ANKEF1: variants seen among roughly 807,000 people sequenced by gnomAD.
ANKEF1 encodes ankyrin repeat and EF-hand domain-containing protein 1.
ANKEF1 carries 43 observed loss-of-function variants against 65.1 expected under a neutral mutation model. The observed-to-expected ratio is 0.66, with a 90% CI of 0.52 to 0.85. ANKEF1 has a LOEUF of 0.85. ANKEF1 is among the 40% of genes least tolerant of loss of function. The probability of loss-of-function intolerance (pLI) is 0.00; values close to 1 mark genes in which losing one functional copy is unlikely to be tolerated. For synonymous variants in ANKEF1, 316 were observed against 341.5 expected, an observed-to-expected ratio of 0.93 and a Z score of 0.82; for missense variants, 934 against 952.9, an observed-to-expected ratio of 0.98 and a Z score of 0.26.
At chr20:10,037,477 T>G (rs929645354) in intron 2 of ANKEF1, among the ~76,000 whole-genome samples, 1 of 152,148 alleles carries the variant, frequency 6.6e-6, no homozygotes, top group African/African-American at 2.4e-5. Context: ...AAAGGGATGG[T>G]TCCCTCAAAT....
chr20:10,046,000 G>A (rs1984504225), intron 6 of ANKEF1, among the ~76,000 whole-genome samples: 1 of 152,156 alleles, frequency 6.6e-6, no homozygotes, highest in African/African-American at 2.4e-5. Flanking sequence ...GCGGGGTGTG[G>A]TGGCTCATGC....
rs756780244 is a variant in ANKEF1 at position 10,057,586 on chromosome 20, G to A, written c.*1926G>A. On this transcript the variant is annotated 3_prime_UTR_variant, in exon 11 of 11. Transcript: ENST00000378392. ...TTGTCCCCGAACTATCTGTGTGTCC[G>A]TTGAAGACATGATGAAGACATGATG... 1.3e-5 allele frequency: 2 copies of A among 152,068 alleles called. No individual in the cohort carries two copies. Among genetic ancestry groups the A allele is most frequent in the Non-Finnish European group, 2.9e-5 (2 of 68,024 alleles). The allele number at this position is 152,068 out of a possible 1,614,324, so 9.4% of individuals were successfully genotyped here. A position where few individuals can be genotyped will look rare whatever the true frequency, so the allele number is the denominator to read the frequency against.
intron 8 of ANKEF1, among the ~76,000 whole-genome samples, chr20:10,052,253 A>G (rs930524047): frequency 2.0e-5 from 3 of 152,154 alleles, no homozygotes; most frequent in Non-Finnish European, 2.9e-5. Context: ...ATAAATACTT[A>G]GTTTCTGTAG....
chr20:10,040,926 T>C (rs1984147663), intron 3 of ANKEF1, among the ~76,000 whole-genome samples: 2 of 152,210 alleles, frequency 1.3e-5, no homozygotes, highest in Non-Finnish European at 2.9e-5. Flanking sequence ...TTCTTTGACT[T>C]TCTCTTTTCA....
Position 10,055,579 on chromosome 20 carries a change from G to A in ANKEF1, c.2250G>A (p.Val750=), listed in dbSNP as rs1985104348. ...GGCGAGAGAGGTTTACACATGAGGT[G>A]GACTTCGACGATTTTATGATGCCTT... ...ELRRERFTHE[V]DFDDFMMPFQ... Residue 750 remains valine (V), a synonymous_variant, in exon 11 of 11, where the codon GTG becomes GTA. Coordinates refer to ENST00000378392, the MANE Select transcript of ANKEF1 (RefSeq NM_022096.6). The A allele has an allele frequency of 1.2e-6, 2 of 1,613,770 alleles. No individual in the cohort carries two copies. Among genetic ancestry groups the A allele is most frequent in the Non-Finnish European group, 8.5e-7 (1 of 1,179,792 alleles).
In ANKEF1 at chr20:10,043,103, G is replaced by GGATT. The variant is rs1984287083; in HGVS notation, c.347-18_347-15dup. ...TGTATAGATGTTAAATACTCTCTGG[G>GGATT]GATTTTATTTCTCTGCAGGTGTTTT... On this transcript the variant is annotated intron_variant, in intron 3 of 10. Coordinates refer to ENST00000378392, the MANE Select transcript of ANKEF1 (RefSeq NM_022096.6). The GGATT allele has an allele frequency of 6.2e-7, 1 of 1,609,522 alleles. No individual in the cohort carries two copies. Among genetic ancestry groups the GGATT allele is most frequent in the South Asian group, 1.1e-5 (1 of 90,748 alleles).
At chr20:10,043,967 T>C (rs773573096) in intron 4 of ANKEF1, among the ~76,000 whole-genome samples, 6 of 152,122 alleles carry the variant, frequency 3.9e-5, no homozygotes, top group Admixed American at 1.3e-4. Flanking sequence ...TCTGTTGTTA[T>C]ATCAATTTCG....
At position 10,037,628 on chromosome 20, in the gene ANKEF1, G is replaced by C. The variant is rs1983936041; in HGVS notation, c.-44-630G>C. On this transcript the variant is annotated intron_variant, in intron 2 of 10. Coordinates refer to ENST00000378392, the MANE Select transcript of ANKEF1 (RefSeq NM_022096.6). ...ATGAAGAAACAACTGGTCATACCTA[G>C]CATGGCCTGCTACTCAATCCAAAAG... 1.3e-5 allele frequency among the ~76,000 whole-genome samples: 2 copies of C among 152,164 alleles called. 1 individual carries two copies. The highest frequency in any genetic ancestry group is 4.1e-4 in the South Asian group (2 of 4,836).
At chr20:10,053,396 A>ATTAT in intron 9 of ANKEF1, 121 bp downstream of exon 9, 1 of 762,854 alleles carries the variant, frequency 1.3e-6, no homozygotes, top group Non-Finnish European at 2.1e-6. Flanking sequence ...TGCAGTGCAT[A>ATTAT]CTTTCAATAG....
chr20:10,042,009 A>G (rs1427190608), intron 3 of ANKEF1, among the ~76,000 whole-genome samples: 1 of 152,080 alleles, frequency 6.6e-6, no homozygotes, highest in Non-Finnish European at 1.5e-5. Context: ...TGTTGTTGTG[A>G]TAAATTTTTG....
At chr20:10,037,975 A>G (rs1469899509) in intron 2 of ANKEF1, among the ~76,000 whole-genome samples, 1 of 152,222 alleles carries the variant, frequency 6.6e-6, no homozygotes, top group Non-Finnish European at 1.5e-5. Context: ...AGTTAACCTC[A>G]GCTTCTTCAT....
chr20:10,050,843 A>G (rs1445280702), intron 7 of ANKEF1, among the ~76,000 whole-genome samples: 2 of 152,214 alleles, frequency 1.3e-5, no homozygotes, highest in African/African-American at 2.4e-5. Flanking sequence ...AATGGTGGCT[A>G]TAATAACATG....
rs762391855 is a variant in ANKEF1, at chr20:10,053,155, A to G, written c.1914A>G (p.Arg638=). The G allele has an allele frequency of 1.2e-6, 2 of 1,610,682 alleles. No individual in the cohort carries two copies. Residue 638 remains arginine, a synonymous_variant, in exon 9 of 11, where the codon AGA becomes AGG. Coordinates refer to ENST00000378392, the MANE Select transcript of ANKEF1 (RefSeq NM_022096.6). ...MDVAKAYADY[R]IIDLIKEKLD... ...TTGCAAAGGCATATGCTGATTATAG[A>G]ATAATTGATCTGATTAAAGAAAAGC...
At position 10,046,116 on chromosome 20, in the gene ANKEF1, CA is replaced by C. The variant is rs950772464; in HGVS notation, c.820+428del. On this transcript the variant is annotated intron_variant, in intron 6 of 10. Transcript: ENST00000378392. ...CAAAACCGCGCCTCTACTAACAATGCAAAAAAAAATTAGCCAGGGGTGGTGA... is the reference window on the plus strand; with the variant it reads ...CAAAACCGCGCCTCTACTAACAATGCAAAAAAAATTAGCCAGGGGTGGTGA... 1.3e-3 allele frequency among the ~76,000 whole-genome samples: 201 copies of C among 150,612 alleles called. 1 individual carries two copies. The highest frequency in any genetic ancestry group is 4.5e-3 in the African/African-American group (187 of 41,136).
At chr20:10,037,362 G>T (rs1479602472) in intron 2 of ANKEF1, among the ~76,000 whole-genome samples, 1 of 152,110 alleles carries the variant, frequency 6.6e-6, no homozygotes, top group Non-Finnish European at 1.5e-5. Flanking sequence ...ACACCATACT[G>T]CTTAACAACT....
chr20:10,043,450 G>A (rs2122235813), intron 4 of ANKEF1, 129 bp downstream of exon 4: 1 of 812,688 alleles, frequency 1.2e-6, no homozygotes, highest in Non-Finnish European at 1.9e-6. Context: ...AATGCTTGAA[G>A]ATGGTATACG....
chr20:10,049,506 C>A lies in ANKEF1; in HGVS notation c.937C>A (p.Leu313Ile). Residue 313 changes from leucine to isoleucine, a missense_variant, in exon 7 of 11, where the codon CTA becomes ATA. Transcript: ENST00000378392. ...IRRAERIANK[L>I]ARPGAKNPNP... ...CCGAGCAGAGAGAATCGCTAATAAACTAGCCAGGCCAGGAGCCAAAAATCC... is the reference window on the plus strand; with the variant it reads ...CCGAGCAGAGAGAATCGCTAATAAAATAGCCAGGCCAGGAGCCAAAAATCC... 6.2e-7 allele frequency: 1 copy of A among 1,614,126 alleles called. No homozygotes were observed. The highest frequency in any genetic ancestry group is 8.5e-7 in the Non-Finnish European group (1 of 1,180,008).
At chr20:10,050,251 G>C (rs1468661545) in intron 7 of ANKEF1, 39 bp downstream of exon 7, 1 of 1,489,930 alleles carries the variant, frequency 6.7e-7, no homozygotes, top group Non-Finnish European at 9.1e-7. Flanking sequence ...ATTTTCACGA[G>C]TCTTCACATT....
In ANKEF1 at chr20:10,049,498, C is replaced by T. The variant is rs777251278; in HGVS notation, c.929C>T (p.Ala310Val). 2.5e-6 allele frequency: 4 copies of T among 1,614,046 alleles called. No individual in the cohort carries two copies. Among genetic ancestry groups the T allele is most frequent in the Non-Finnish European group, 2.5e-6 (3 of 1,180,032 alleles). The change falls in exon 7 of 11, where the codon GCT becomes GTT. Residue 310 changes from alanine to valine, a missense_variant. Coordinates refer to ENST00000378392, the MANE Select transcript of ANKEF1 (RefSeq NM_022096.6). The part of the protein sequence containing the change: ...SKEIRRAERI[A>V]NKLARPGAKN... ...GAAATACGCCGAGCAGAGAGAATCG[C>T]TAATAAACTAGCCAGGCCAGGAGCC...
Sources: gnomAD v4.1 joint callset for allele counts (sites outside exome capture counted in the v4.1 genomes callset) on GRCh38, gnomAD v4.1.1 for gene constraint, MANE v1.5 for transcripts, NCBI Gene and HGNC (gene_info 2026-07-23, HGNC 2026-07-21) for gene names.